Variants in MBD5 observed in about 807,000 individuals in gnomAD.
MBD5 encodes methyl-CpG-binding domain protein 5.
A neutral mutation model predicts 117.3 loss-of-function variants in MBD5; 13 were observed. The ratio of observed to expected loss-of-function variants is 0.11; its 90% CI spans 0.07 to 0.18. The LOEUF (loss-of-function observed/expected upper bound fraction) is 0.18, where lower values mean the gene tolerates loss of function less well. Ranked by LOEUF, MBD5 falls within the 10% of genes least tolerant of loss-of-function variation. MBD5 has a pLI of 1.00. For synonymous variants in MBD5, 727 were observed against 766.4 expected, an observed-to-expected ratio of 0.95 and a Z score of 0.85; for missense variants, 1,879 against 2,093.8, an observed-to-expected ratio of 0.90 and a Z score of 2.00.
At chr2:148,416,049 G>T (rs1268202967) in intron 4 of MBD5, among the ~76,000 whole-genome samples, 1 of 152,078 alleles carries the variant, frequency 6.6e-6, no homozygotes, top group African/African-American at 2.4e-5. Flanking sequence ...GGGTTTTTTT[G>T]AGTTACCAGA....
intron 1 of MBD5, among the ~76,000 whole-genome samples, chr2:148,049,119 A>G (rs556151446): frequency 3.9e-5 from 6 of 152,308 alleles, no homozygotes; most frequent in Middle Eastern, 3.4e-3. Flanking sequence ...AGTTTCTGGT[A>G]ACATGTGATG....
chr2:148,119,037 T>A (rs933325480), intron 1 of MBD5, among the ~76,000 whole-genome samples: 4 of 152,190 alleles, frequency 2.6e-5, no homozygotes, highest in Non-Finnish European at 5.9e-5. Context: ...CTCTCAGGTA[T>A]ATACTCATTA....
intron 1 of MBD5, among the ~76,000 whole-genome samples, chr2:148,154,225 G>A (rs900454962): frequency 3.3e-5 from 5 of 151,802 alleles, no homozygotes; most frequent in African/African-American, 1.2e-4. Flanking sequence ...GCCCCTGCTG[G>A]GGGGTGCCTC....
At chr2:148,269,445 T>G (rs1700932502) in intron 3 of MBD5, among the ~76,000 whole-genome samples, 1 of 151,860 alleles carries the variant, frequency 6.6e-6, no homozygotes, top group African/African-American at 2.4e-5. Flanking sequence ...AGTCCTTGTA[T>G]TTCTAGAAAA....
intron 1 of MBD5, among the ~76,000 whole-genome samples, chr2:148,130,782 G>A (rs959713420): frequency 2.0e-5 from 3 of 152,122 alleles, no homozygotes; most frequent in Admixed American, 6.6e-5. Flanking sequence ...GCTCTTTCTC[G>A]TGTAGCATAC....
chr2:148,330,843 A>T (rs1702626967), intron 3 of MBD5, among the ~76,000 whole-genome samples: 1 of 152,230 alleles, frequency 6.6e-6, no homozygotes, highest in African/African-American at 2.4e-5. Context: ...ACTATGTCTC[A>T]GGCATTTTGG....
intron 4 of MBD5, among the ~76,000 whole-genome samples, chr2:148,352,657 C>A (rs1443831783): frequency 6.6e-6 from 1 of 151,982 alleles, no homozygotes; most frequent in East Asian, 1.9e-4. Flanking sequence ...TTTCACTCAG[C>A]ATAATTTTCT....
chr2:148,168,991 A>G (rs1281442267), intron 1 of MBD5, among the ~76,000 whole-genome samples: 1 of 149,610 alleles, frequency 6.7e-6, no homozygotes, highest in East Asian at 1.9e-4. Context: ...ATATATATAT[A>G]TATTCCAAAA....
At chr2:148,182,089 A>T (rs1698545962) in intron 2 of MBD5, among the ~76,000 whole-genome samples, 1 of 152,028 alleles carries the variant, frequency 6.6e-6, no homozygotes, top group African/African-American at 2.4e-5. Flanking sequence ...GTTAACGAGT[A>T]GTAGTGATGT....
intron 4 of MBD5, among the ~76,000 whole-genome samples, chr2:148,350,748 T>G (rs1339138716): frequency 1.3e-5 from 2 of 152,042 alleles, no homozygotes; most frequent in Non-Finnish European, 2.9e-5. Context: ...TTGCTTTGTT[T>G]CTAGGATTGA....
At position 148,125,653 on chromosome 2, in the gene MBD5, T is replaced by C. The variant is rs1696872177; in HGVS notation, c.-924-53047T>C. ...GGAAGTCTATCTACAACCTCTCTGG[T>C]TTCTCCAGCACAGCCTGATGGCTTC... On this transcript the variant is annotated intron_variant, in intron 1 of 13. Coordinates refer to ENST00000642680, the MANE Select transcript of MBD5 (RefSeq NM_001378120.1). Among the ~76,000 whole-genome samples the C allele has an allele frequency of 1.3e-5, 2 of 152,180 alleles. 1 individual carries two copies. Among genetic ancestry groups the C allele is most frequent in the Admixed American group, 1.3e-4 (2 of 15,276 alleles).
intron 3 of MBD5, chr2:148,265,084 A>ACAC (rs34596939): frequency 0.05 from 7,296 of 144,826 alleles, 249 homozygotes; most frequent in African/African-American, 0.098. Flanking sequence ...CACACACACA[A>ACAC]ACACACATAT....
intron 4 of MBD5, among the ~76,000 whole-genome samples, chr2:148,345,424 TAC>T (rs1324868421): frequency 1.4e-5 from 2 of 141,606 alleles, no homozygotes; most frequent in African/African-American, 2.6e-5. Context: ...TATACATATA[TAC>T]ACATATACAT....
intron 1 of MBD5, among the ~76,000 whole-genome samples, chr2:148,126,977 C>CTTT (rs373037152): frequency 3.1e-5 from 4 of 130,770 alleles, no homozygotes; most frequent in East Asian, 2.2e-4. Context: ...TTTTTTCTTT[C>CTTT]TTTTTTTTTT....
chr2:148,480,561 C>T (rs1387461114), intron 8 of MBD5, among the ~76,000 whole-genome samples: 1 of 151,866 alleles, frequency 6.6e-6, no homozygotes, highest in African/African-American at 2.4e-5. Flanking sequence ...TTTATTTAAA[C>T]TCTTAAAAAT....
chr2:148,182,645 G>A (rs576089286), intron 2 of MBD5, among the ~76,000 whole-genome samples: 2 of 152,254 alleles, frequency 1.3e-5, no homozygotes, highest in South Asian at 2.1e-4. Flanking sequence ...GGGGATTTTG[G>A]TGAGGACATA....
At chr2:148,108,071 C>T (rs993888418) in intron 1 of MBD5, among the ~76,000 whole-genome samples, 5 of 151,924 alleles carry the variant, frequency 3.3e-5, no homozygotes, top group East Asian at 1.9e-4. Context: ...ATTTATATTT[C>T]CTCTCCCCCG....
intron 4 of MBD5, among the ~76,000 whole-genome samples, chr2:148,428,896 A>C (rs1429390308): frequency 6.6e-6 from 1 of 152,224 alleles, no homozygotes; most frequent in Non-Finnish European, 1.5e-5. Context: ...AAAACGCTAG[A>C]AGAAAACCTG....
At chr2:148,273,570 T>C (rs749645056) in intron 3 of MBD5, among the ~76,000 whole-genome samples, 2 of 152,032 alleles carry the variant, frequency 1.3e-5, no homozygotes, top group Admixed American at 6.6e-5. Context: ...CCCTCAGGAA[T>C]AGAAACAGTG....
Sources: gnomAD v4.1 joint callset for allele counts (sites outside exome capture counted in the v4.1 genomes callset) on GRCh38, gnomAD v4.1.1 for gene constraint, MANE v1.5 for transcripts, NCBI Gene and HGNC (gene_info 2026-07-23, HGNC 2026-07-21) for gene names.